The following ZKSCAN5 variants were observed in gnomAD, a reference collection of about 807,000 sequenced individuals.
ZKSCAN5 encodes the protein zinc finger with KRAB and SCAN domains 5.
Under a neutral mutation model 60.0 loss-of-function variants are expected in ZKSCAN5, and 28 were observed. That is an observed-to-expected ratio of 0.47 (90% CI 0.35 to 0.64). The LOEUF is 0.64. Among genes scored for constraint, ZKSCAN5 ranks in the 30% least tolerant of loss-of-function variants. ZKSCAN5 has a pLI of 0.01. For missense variants in ZKSCAN5, 881 were observed against 1,034.6 expected (o/e 0.85, Z 2.04); for synonymous variants, 361 against 371.2 (o/e 0.97, Z 0.31).
In ZKSCAN5 at chr7:99,532,115, A is replaced by T; in HGVS notation, c.2386A>T (p.Thr796Ser). ...TCTTAATCAACATCAGAGAATCCAT[A>T]CTGGTGAGAAACCTTTTCAATGTAA... is the stretch of plus-strand genomic sequence containing the variant. ...SHLNQHQRIH[T>S]GEKPFQCKEC... Residue 796 changes from threonine (T) to serine (S), a missense_variant, in exon 7 of 7, where the codon ACT becomes TCT. By Grantham distance (58) the Thr-to-Ser change is moderately conservative (BLOSUM62 1). This residue lies in a region of ZKSCAN5 where 138 missense variants were observed against 143.8 expected (regional missense o/e 0.96). Transcript: ENST00000326775. The T allele has an allele frequency of 6.2e-7, 1 of 1,614,152 alleles. No homozygotes were observed. Among genetic ancestry groups the T allele is most frequent in the Non-Finnish European group, 8.5e-7 (1 of 1,180,024 alleles).
Position 99,532,084 on chromosome 7 carries a change from G to A in ZKSCAN5, c.2355G>A (p.Lys785=), listed in dbSNP as rs759093612. The A allele has an allele frequency of 1.9e-5, 31 of 1,614,208 alleles. No homozygotes were observed. Among genetic ancestry groups the A allele is most frequent in the Non-Finnish European group, 2.5e-5 (29 of 1,180,032 alleles). ...AATGTGGCAGAGGCTTCACTCTGAA[G>A]TCACATCTTAATCAACATCAGAGAA... ...CHECGRGFTL[K]SHLNQHQRIH... Residue 785 remains lysine, a synonymous_variant, in exon 7 of 7, where the codon AAG becomes AAA. Transcript: ENST00000326775.
intron 6 of ZKSCAN5, among the ~76,000 whole-genome samples, chr7:99,528,410 AT>A (rs891082006): frequency 1.3e-5 from 2 of 151,396 alleles, no homozygotes; most frequent in Non-Finnish European, 2.9e-5. Flanking sequence ...TGCCTTCCAC[AT>A]TTTTTTTGTG....
Position 99,532,241 on chromosome 7 carries a change from CTG to C in ZKSCAN5, c.2514_2515del (p.Leu839ValfsTer3). ...PINTLSVEGS[L>X]L ...AAATACCTTAAGTGTAGAGGGGTCTCTGTTGTAGAATAGCTCTTAATTTTAGA... is the reference window on the plus strand; with the variant it reads ...AAATACCTTAAGTGTAGAGGGGTCTCTTGTAGAATAGCTCTTAATTTTAGA... On this transcript the variant is annotated frameshift_variant, in exon 7 of 7. Transcript: ENST00000326775. LOFTEE classifies it high-confidence loss of function. 6.4e-7 allele frequency: 1 copy of C among 1,573,408 alleles called. No homozygotes were observed. Among genetic ancestry groups the C allele is most frequent in the Non-Finnish European group, 8.6e-7 (1 of 1,165,066 alleles).
intron 4 of ZKSCAN5, 32 bp downstream of exon 4, chr7:99,519,941 A>G: frequency 6.2e-7 from 1 of 1,608,530 alleles, no homozygotes; most frequent in Non-Finnish European, 8.5e-7. Flanking sequence ...CTCAGAGAGG[A>G]CCCATCCTGA....
intron 3 of ZKSCAN5, among the ~76,000 whole-genome samples, chr7:99,516,490 C>G (rs1052190703): frequency 5.3e-5 from 8 of 152,100 alleles, no homozygotes; most frequent in African/African-American, 1.9e-4. Flanking sequence ...CATTGGAAAT[C>G]AGCAAGCCAC....
intron 3 of ZKSCAN5, among the ~76,000 whole-genome samples, chr7:99,515,833 C>CAAA (rs1165846971): frequency 1.5e-5 from 1 of 66,780 alleles, no homozygotes; most frequent in African/African-American, 5.3e-5. Context: ...GACTCCATCT[C>CAAA]AAAAAAAAAA....
At chr7:99,520,118 T>C (rs547391336) in intron 4 of ZKSCAN5, 51 bp from the exon 5 acceptor site, 1 of 1,602,326 alleles carries the variant, frequency 6.2e-7, no homozygotes, top group East Asian at 2.2e-5. Flanking sequence ...TTCCCCTCAC[T>C]CCAAATTTGG....
At chr7:99,519,136 C>T (rs112235405) in intron 3 of ZKSCAN5, among the ~76,000 whole-genome samples, 10,486 of 151,262 alleles carry the variant, frequency 0.069, 735 homozygotes, top group East Asian at 0.3. Flanking sequence ...CCACCACACC[C>T]GGCTAATTTT....
Position 99,531,785 on chromosome 7 carries a change from C to T in ZKSCAN5, c.2056C>T (p.Gln686Ter). ...LIEHQVLHMG[Q>*]KNEKNGICEE... Reference sequence around the variant, plus strand: ...TGAACATCAGGTGCTCCACATGGGTCAGAAAAATGAAAAAAATGGCATCTG... The same window carrying T: ...TGAACATCAGGTGCTCCACATGGGTTAGAAAAATGAAAAAAATGGCATCTG... The change falls in exon 7 of 7, where the codon CAG (glutamine) becomes TAG (stop). Residue 686 changes from glutamine (Q) to a stop codon, truncating the protein, a stop_gained. Transcript: ENST00000326775. LOFTEE classifies it low-confidence loss of function (END_TRUNC). 6.2e-7 allele frequency: 1 copy of T among 1,613,850 alleles called. No homozygotes were observed. The highest frequency in any genetic ancestry group is 1.1e-5 in the South Asian group (1 of 91,050).
At chr7:99,517,982 G>A (rs539570469) in intron 3 of ZKSCAN5, among the ~76,000 whole-genome samples, 1 of 152,198 alleles carries the variant, frequency 6.6e-6, no homozygotes, top group Non-Finnish European at 1.5e-5. Context: ...CTATTCCTGA[G>A]ATGGGCAGAG....
chr7:99,525,451 GAC>G (rs1801732094), intron 5 of ZKSCAN5, among the ~76,000 whole-genome samples: 2 of 152,262 alleles, frequency 1.3e-5, no homozygotes, highest in South Asian at 4.1e-4. Flanking sequence ...CAGCCTGGGT[GAC>G]AGAGTGAGAC....
chr7:99,532,327 T>G lies in ZKSCAN5; in HGVS notation c.*78T>G, dbSNP rs1329870212. Reference sequence around the variant, plus strand: ...ATGAGCAAAGTAACAACTTCAAGCATTTTTCCAGCGTTACCATCAAACTCA... The same window carrying G: ...ATGAGCAAAGTAACAACTTCAAGCAGTTTTCCAGCGTTACCATCAAACTCA... On this transcript the variant is annotated 3_prime_UTR_variant, in exon 7 of 7. Transcript: ENST00000326775. 1 of 1,382,640 alleles carries G rather than the reference T, an allele frequency of 7.2e-7. No individual in the cohort carries two copies. The highest frequency in any genetic ancestry group is 9.7e-7 in the Non-Finnish European group (1 of 1,033,964). 85.6% of individuals were successfully genotyped at this position (1,382,640 alleles called of 1,614,324 possible).
intron 2 of ZKSCAN5, 68 bp from the exon 3 acceptor site, chr7:99,512,385 T>C (rs2151098350): frequency 1.3e-6 from 2 of 1,545,470 alleles, no homozygotes; most frequent in East Asian, 2.3e-5. Flanking sequence ...AAGTCCACCA[T>C]GATTCTACTG....
intron 2 of ZKSCAN5, among the ~76,000 whole-genome samples, chr7:99,511,320 T>G (rs1012781061): frequency 6.6e-6 from 1 of 152,216 alleles, no homozygotes; most frequent in Non-Finnish European, 1.5e-5. Context: ...TGTGACTTAC[T>G]GAGTGCTATG....
rs914038885 is a variant in ZKSCAN5 at position 99,534,523 on chromosome 7, C to T, written c.*2274C>T. The T allele has an allele frequency of 6.6e-5, 10 of 152,068 alleles. No individual in the cohort carries two copies. Among genetic ancestry groups the T allele is most frequent in the African/African-American group, 2.4e-4 (10 of 41,386 alleles). The allele number at this position is 152,068 out of a possible 1,614,324, so 9.4% of individuals were successfully genotyped here. ...TGAAACCCGGTCTCTACTTAAAATA[C>T]AAAAATTAGCTGGGCATAGTGGCGC... On this transcript the variant is annotated 3_prime_UTR_variant, in exon 7 of 7. Transcript: ENST00000326775.
intron 2 of ZKSCAN5, among the ~76,000 whole-genome samples, chr7:99,507,418 T>C (rs1489823798): frequency 6.6e-6 from 1 of 151,766 alleles, no homozygotes; most frequent in Non-Finnish European, 1.5e-5. Flanking sequence ...TGTGTGTATG[T>C]AATATACATA....
In ZKSCAN5 at chr7:99,531,473, T is replaced by C. The variant is rs1802041990; in HGVS notation, c.1744T>C (p.Cys582Arg). ...TGEKPFRCEE[C>R]GKSYNQRVHL... Reference sequence around the variant, plus strand: ...GGAGAAACCATTCAGGTGTGAGGAATGTGGGAAAAGCTACAACCAACGCGT... The same window carrying C: ...GGAGAAACCATTCAGGTGTGAGGAACGTGGGAAAAGCTACAACCAACGCGT... The change falls in exon 7 of 7, where the codon TGT (cysteine) becomes CGT (arginine). Residue 582 changes from cysteine to arginine, a missense_variant. Transcript: ENST00000326775. 6.2e-7 allele frequency: 1 copy of C among 1,614,188 alleles called. No individual in the cohort carries two copies. Among genetic ancestry groups the C allele is most frequent in the Non-Finnish European group, 8.5e-7 (1 of 1,180,032 alleles).
intron 2 of ZKSCAN5, among the ~76,000 whole-genome samples, chr7:99,507,547 A>C (rs1026503033): frequency 6.7e-6 from 1 of 148,276 alleles, no homozygotes; most frequent in Non-Finnish European, 1.5e-5. Flanking sequence ...ATATATGTAT[A>C]TATATGTATA....
intron 4 of ZKSCAN5, 127 bp downstream of exon 4, chr7:99,520,036 C>G: frequency 6.7e-7 from 1 of 1,485,002 alleles, no homozygotes; most frequent in Non-Finnish European, 9.2e-7. Context: ...TTTTTCCTTT[C>G]TGCCTAGTCC....
Sources: allele counts gnomAD v4.1 joint callset (sites outside exome capture counted in the v4.1 genomes callset), GRCh38; gene constraint gnomAD v4.1.1; regional missense constraint gnomAD v4.1.1; transcripts MANE v1.5; gene names NCBI Gene and HGNC (gene_info 2026-07-23, HGNC 2026-07-21).